Variants in UTRN observed in about 807,000 individuals in gnomAD.
UTRN encodes utrophin.
A neutral mutation model predicts 463.9 loss-of-function variants in UTRN; 283 were observed. The observed-to-expected ratio is 0.61, with a 90% CI of 0.55 to 0.67. The LOEUF is 0.67. UTRN is among the 30% of genes least tolerant of loss of function. UTRN has a pLI of 0.00. For synonymous variants in UTRN, 1,442 were observed against 1,431.5 expected, an observed-to-expected ratio of 1.01 and a Z score of -0.17; for missense variants, 3,922 against 4,084.3, an observed-to-expected ratio of 0.96 and a Z score of 1.08.
intron 51 of UTRN, among the ~76,000 whole-genome samples, chr6:144,656,262 G>T (rs1212487802): frequency 1.3e-5 from 2 of 152,156 alleles, no homozygotes; most frequent in African/African-American, 2.4e-5. Context: ...CTCTGGTGAT[G>T]TATTGCTTAC....
chr6:144,782,015 A>G lies in UTRN; in HGVS notation c.8726A>G (p.Asn2909Ser), dbSNP rs369378545. The change falls in exon 61 of 75, where the codon AAC becomes AGC. Residue 2909 changes from asparagine (N) to serine (S), a missense_variant. Physicochemically the swap from Asn to Ser is conservative, Grantham distance 46. This residue lies in a region of UTRN where 1,309 missense variants were observed against 1,452.6 expected (regional missense o/e 0.90). Coordinates refer to ENST00000367545, the MANE Select transcript of UTRN (RefSeq NM_007124.3). ...DQLLSVPDVI[N>S]CLTTTYDGLE... Reference sequence around the variant, plus strand: ...CTCCTCAGTGTTCCAGATGTCATCAACTGTCTGACAACAACTTATGATGGA... The same window carrying G: ...CTCCTCAGTGTTCCAGATGTCATCAGCTGTCTGACAACAACTTATGATGGA... 1.5e-5 allele frequency: 25 copies of G among 1,613,960 alleles called. No individual in the cohort carries two copies. Among genetic ancestry groups the G allele is most frequent in the Non-Finnish European group, 2.0e-5 (24 of 1,179,988 alleles).
intron 43 of UTRN, among the ~76,000 whole-genome samples, chr6:144,537,285 CTG>C (rs1184023254): frequency 1.3e-5 from 2 of 151,836 alleles, no homozygotes; most frequent in African/African-American, 4.8e-5. Context: ...TGGTATCTAA[CTG>C]TAAAAAAGGC....
At chr6:144,690,324 T>C (rs1783264627) in intron 52 of UTRN, among the ~76,000 whole-genome samples, 1 of 150,112 alleles carries the variant, frequency 6.7e-6, no homozygotes, top group Admixed American at 6.7e-5. Flanking sequence ...ATGAGGGGGG[T>C]GTAGCCAGCA....
chr6:144,799,141 T>C (rs1777499710), intron 64 of UTRN, among the ~76,000 whole-genome samples: 1 of 152,246 alleles, frequency 6.6e-6, no homozygotes, highest in Non-Finnish European at 1.5e-5. Context: ...TTGTTGTATA[T>C]TGTATCAGTA....
At chr6:144,415,858 A>C (rs1409242357) in intron 3 of UTRN, among the ~76,000 whole-genome samples, 1 of 152,172 alleles carries the variant, frequency 6.6e-6, no homozygotes, top group Non-Finnish European at 1.5e-5. Context: ...CATGGTAAGA[A>C]GTGGTCATGT....
intron 52 of UTRN, among the ~76,000 whole-genome samples, chr6:144,696,478 G>T (rs188755974): frequency 2.0e-5 from 3 of 152,192 alleles, no homozygotes; most frequent in African/African-American, 7.2e-5. Flanking sequence ...TGGAATCACG[G>T]CTTTGGTGTT....
In UTRN at chr6:144,490,946, G is replaced by C; in HGVS notation, c.4281G>C (p.Val1427=). ...GCAAACAGAGGAAACTCCGAGAGGT[G>C]TCCACAAAGTTCCAGCTTTTCCAGA... The part of the protein sequence containing the change: ...MDVLQRKLRE[V]STKFQLFQKP... The change falls in exon 32 of 75, where the codon GTG becomes GTC. Residue 1427 remains valine (V), a synonymous_variant. Transcript: ENST00000367545. The C allele has an allele frequency of 1.2e-6, 2 of 1,603,898 alleles. No individual in the cohort carries two copies. Among genetic ancestry groups the C allele is most frequent in the Non-Finnish European group, 1.7e-6 (2 of 1,175,232 alleles).
chr6:144,524,833 C>A (rs181447547), intron 41 of UTRN, among the ~76,000 whole-genome samples: 2 of 152,106 alleles, frequency 1.3e-5, no homozygotes, highest in Non-Finnish European at 2.9e-5. Context: ...GGCTAAAAGT[C>A]ATAGATGGCT....
intron 55 of UTRN, among the ~76,000 whole-genome samples, chr6:144,749,957 GATAAAA>G (rs1236595548): frequency 1.3e-5 from 2 of 152,052 alleles, no homozygotes; most frequent in East Asian, 3.9e-4. Flanking sequence ...ATCTTTAATA[GATAAAA>G]ATAAAAAGAT....
intron 54 of UTRN, among the ~76,000 whole-genome samples, chr6:144,731,595 C>T (rs564513611): frequency 6.6e-6 from 1 of 152,336 alleles, no homozygotes; most frequent in South Asian, 2.1e-4. Context: ...GAATCTTACT[C>T]AAGGAACCTT....
chr6:144,366,446 T>C (rs1377429687), intron 2 of UTRN, among the ~76,000 whole-genome samples: 1 of 152,186 alleles, frequency 6.6e-6, no homozygotes, highest in Non-Finnish European at 1.5e-5. Context: ...TTCCCCTCTA[T>C]GTGTCCATGT....
chr6:144,446,603 A>C (rs2128555338), intron 14 of UTRN, among the ~76,000 whole-genome samples: 1 of 152,350 alleles, frequency 6.6e-6, no homozygotes, highest in East Asian at 1.9e-4. Context: ...TCCTCTGCTT[A>C]GAAAACACAC....
chr6:144,606,112 A>G (rs1197330363), intron 51 of UTRN, among the ~76,000 whole-genome samples: 1 of 152,200 alleles, frequency 6.6e-6, no homozygotes, highest in East Asian at 1.9e-4. Flanking sequence ...GAAATGTGAC[A>G]ATGCAGTGAT....
chr6:144,786,927 A>G (rs1336518712), intron 61 of UTRN, among the ~76,000 whole-genome samples: 6 of 152,206 alleles, frequency 3.9e-5, no homozygotes, highest in Non-Finnish European at 8.8e-5. Flanking sequence ...CTTGGTCCCA[A>G]CAGTACACAG....
intron 57 of UTRN, among the ~76,000 whole-genome samples, chr6:144,756,257 G>A (rs9497072): frequency 0.014 from 2,198 of 152,256 alleles, 54 homozygotes; most frequent in African/African-American, 0.05. Flanking sequence ...AATTGAGACT[G>A]TCTTTACAGT....
chr6:144,632,994 T>G (rs1045561983), intron 51 of UTRN, among the ~76,000 whole-genome samples: 2 of 152,074 alleles, frequency 1.3e-5, no homozygotes, highest in South Asian at 2.1e-4. Flanking sequence ...GTGCTGGGAT[T>G]ACAGGCATGA....
intron 39 of UTRN, among the ~76,000 whole-genome samples, chr6:144,517,591 G>A (rs770023281): frequency 1.3e-5 from 2 of 152,068 alleles, no homozygotes; most frequent in Non-Finnish European, 2.9e-5. Context: ...CTTCTAGAAC[G>A]ATTTTTATTT....
chr6:144,567,123 G>A (rs1279325637), intron 50 of UTRN, among the ~76,000 whole-genome samples: 1 of 152,098 alleles, frequency 6.6e-6, no homozygotes, highest in Non-Finnish European at 1.5e-5. Context: ...CTCCAGCCTT[G>A]GCGACAGAAC....
intron 44 of UTRN, among the ~76,000 whole-genome samples, chr6:144,538,708 A>C (rs1797752154): frequency 6.6e-6 from 1 of 152,038 alleles, no homozygotes; most frequent in Non-Finnish European, 1.5e-5. Flanking sequence ...GTGTGTATTC[A>C]TACATGTACA....
Sources: allele counts gnomAD v4.1 joint callset (sites outside exome capture counted in the v4.1 genomes callset), GRCh38; gene constraint gnomAD v4.1.1; regional missense constraint gnomAD v4.1.1; transcripts MANE v1.5; gene names NCBI Gene and HGNC (gene_info 2026-07-23, HGNC 2026-07-21).